The following CELF4 variants were observed in gnomAD, a reference collection of about 807,000 sequenced individuals.
The protein encoded by CELF4 is CUG-BP- and ETR-3-like factor 4.
CELF4 carries 18 observed loss-of-function variants against 59.9 expected under a neutral mutation model. That is an observed-to-expected ratio of 0.30 (90% CI 0.21 to 0.45). CELF4 has a LOEUF of 0.45. CELF4 is among the 20% of genes least tolerant of loss of function. The pLI, the probability that CELF4 is intolerant of heterozygous loss-of-function variation, is 1.00. For missense variants in CELF4, 456 were observed against 689.0 expected (o/e 0.66, Z 3.79); for synonymous variants, 261 against 267.1 (o/e 0.98, Z 0.22).
At chr18:37,543,269 G>A (rs1363085447) in intron 1 of CELF4, among the ~76,000 whole-genome samples, 4 of 152,124 alleles carry the variant, frequency 2.6e-5, no homozygotes, top group Non-Finnish European at 5.9e-5. Flanking sequence ...GGTGCCCAGT[G>A]ACTTACTCAA....
chr18:37,423,594 C>T lies in CELF4; in HGVS notation c.369+61931G>A, dbSNP rs543610505. On this transcript the variant is annotated intron_variant, in intron 2 of 12. Coordinates refer to ENST00000420428, the MANE Select transcript of CELF4 (RefSeq NM_020180.4). ...TTCTTCTTCCAGGCCCCAGGGCAAC[C>T]CAGCAATGGCAGGTGGGCGAAGCTA... Among the ~76,000 whole-genome samples the T allele has an allele frequency of 8.5e-5, 13 of 152,210 alleles. No homozygotes were observed. In the South Asian group the frequency reaches 2.1e-3, roughly 24 times the overall value.
chr18:37,273,121 C>T lies in CELF4; in HGVS notation c.844G>A (p.Gly282Ser). ...GCAGCCATGGGGTTCAGGTAGCCGC[C>T]CTGCGCGACTGATGCCATCAGGGCC... is the stretch of plus-strand genomic sequence containing the variant. ...QAALMASVAQ[G>S]GYLNPMAAFA... is the part of the protein sequence containing the mutation. Residue 282 changes from glycine to serine, a missense_variant, in exon 7 of 13, where the codon GGC becomes AGC. Gly to Ser is a moderately conservative substitution (Grantham distance 56). Transcript: ENST00000420428. 1 of 1,613,494 alleles carries T rather than the reference C, an allele frequency of 6.2e-7. No homozygotes were observed. Among genetic ancestry groups the T allele is most frequent in the Non-Finnish European group, 8.5e-7 (1 of 1,179,766 alleles).
intron 1 of CELF4, among the ~76,000 whole-genome samples, chr18:37,488,222 C>T (rs1186761291): frequency 6.6e-6 from 1 of 152,140 alleles, no homozygotes; most frequent in Non-Finnish European, 1.5e-5. Context: ...CCTGCACCCA[C>T]ACAGACCCTG....
intron 3 of CELF4, among the ~76,000 whole-genome samples, chr18:37,284,230 CAT>C (rs941601683): frequency 6.6e-6 from 1 of 151,246 alleles, no homozygotes; most frequent in Non-Finnish European, 1.5e-5. Flanking sequence ...CACAGATGCA[CAT>C]ACACATACAC....
At chr18:37,312,636 G>T (rs2096717416) in intron 3 of CELF4, among the ~76,000 whole-genome samples, 1 of 152,322 alleles carries the variant, frequency 6.6e-6, no homozygotes, top group South Asian at 2.1e-4. Context: ...AAGGCATGGA[G>T]AGGAGACTGA....
rs1001731770 is a variant in CELF4, at chr18:37,304,154, C to A, written c.448+17649G>T. Among the ~76,000 whole-genome samples the A allele has an allele frequency of 2.6e-5, 4 of 152,362 alleles. No homozygotes were observed. In the East Asian group the frequency reaches 7.7e-4, roughly 29 times the overall value. Reference sequence around the variant, plus strand: ...TTTTCTACCCTATATCCCCAACTTACAAACCCACGCAACCTGGGCTCACAT... The same window carrying A: ...TTTTCTACCCTATATCCCCAACTTAAAAACCCACGCAACCTGGGCTCACAT... On this transcript the variant is annotated intron_variant, in intron 3 of 12. Transcript: ENST00000420428.
chr18:37,367,678 G>GT lies in CELF4; in HGVS notation c.370-45798dup, dbSNP rs1227991660. ...ATGCAAATCAGGTCGGGGAGACTGT[G>GT]TTTTTTTCTTTTCTTTCTTTTTTTT... On this transcript the variant is annotated intron_variant, in intron 2 of 12. Transcript: ENST00000420428. 2.6e-5 allele frequency among the ~76,000 whole-genome samples: 4 copies of GT among 151,256 alleles called. No individual in the cohort carries two copies. The East Asian group carries it at 7.7e-4, about 29-fold the overall frequency.
intron 2 of CELF4, among the ~76,000 whole-genome samples, chr18:37,481,652 C>A (rs1477272630): frequency 1.3e-5 from 2 of 152,206 alleles, no homozygotes. Flanking sequence ...TGGCTCCTGG[C>A]CTGTTGTGTG....
chr18:37,421,056 C>A (rs1193466325), intron 2 of CELF4, among the ~76,000 whole-genome samples: 2 of 152,168 alleles, frequency 1.3e-5, no homozygotes, highest in Non-Finnish European at 2.9e-5. Flanking sequence ...AGTGTAGGAG[C>A]TGCTGAGTCT....
chr18:37,389,430 A>T (rs1419491785), intron 2 of CELF4, among the ~76,000 whole-genome samples: 1 of 152,184 alleles, frequency 6.6e-6, no homozygotes, highest in Non-Finnish European at 1.5e-5. Flanking sequence ...GCCTTGCACC[A>T]CCATTACACT....
chr18:37,522,287 T>C (rs2099958370), intron 1 of CELF4, among the ~76,000 whole-genome samples: 1 of 152,234 alleles, frequency 6.6e-6, no homozygotes, highest in South Asian at 2.1e-4. Context: ...AGAGTTAGCA[T>C]AGTGACCATG....
At chr18:37,295,841 G>T (rs1229440865) in intron 3 of CELF4, among the ~76,000 whole-genome samples, 2 of 152,228 alleles carry the variant, frequency 1.3e-5, no homozygotes, top group Admixed American at 6.5e-5. Flanking sequence ...AAGAGGAACT[G>T]CACTGGGGGT....
At chr18:37,455,036 T>C (rs2099774410) in intron 2 of CELF4, among the ~76,000 whole-genome samples, 1 of 152,220 alleles carries the variant, frequency 6.6e-6, no homozygotes, top group African/African-American at 2.4e-5. Context: ...AGTCTGTGCA[T>C]TGCTAAGTGG....
rs1037249008 is a variant in CELF4, at chr18:37,478,219, G to A, written c.369+7306C>T. Among the ~76,000 whole-genome samples, 91 of 152,128 alleles carry A rather than the reference G, an allele frequency of 6.0e-4. 6 individuals carry two copies. The highest frequency in any genetic ancestry group is 6.5e-5 in the Admixed American group (1 of 15,274). On this transcript the variant is annotated intron_variant, in intron 2 of 12. Coordinates refer to ENST00000420428, the MANE Select transcript of CELF4 (RefSeq NM_020180.4). Reference sequence around the variant, plus strand: ...GTCTTGAGAGGCGATCTGGCCCACCGCCTCCTTCACAGTCTAGATGGTGTG... The same window carrying A: ...GTCTTGAGAGGCGATCTGGCCCACCACCTCCTTCACAGTCTAGATGGTGTG...
chr18:37,553,537 TA>T (rs2099983878), intron 1 of CELF4, among the ~76,000 whole-genome samples: 1 of 152,214 alleles, frequency 6.6e-6, no homozygotes, highest in South Asian at 2.1e-4. Context: ...CATATGGAAT[TA>T]AGAATAAAAA....
chr18:37,406,445 C>T (rs578085948), intron 2 of CELF4, among the ~76,000 whole-genome samples: 4 of 152,304 alleles, frequency 2.6e-5, no homozygotes, highest in African/African-American at 9.6e-5. Flanking sequence ...TTTAGGCTGA[C>T]GGTCCTGCGC....
intron 2 of CELF4, among the ~76,000 whole-genome samples, chr18:37,346,468 G>A (rs1283295348): frequency 6.6e-6 from 1 of 152,170 alleles, no homozygotes; most frequent in Non-Finnish European, 1.5e-5. Flanking sequence ...GTCATTCTGC[G>A]ACTGGGGTTC....
chr18:37,542,869 C>A (rs2099978793), intron 1 of CELF4, among the ~76,000 whole-genome samples: 1 of 152,164 alleles, frequency 6.6e-6, no homozygotes, highest in Non-Finnish European at 1.5e-5. Context: ...TGCCTTGCCC[C>A]TGACCATTGC....
At chr18:37,398,732 C>T (rs755180873) in intron 2 of CELF4, among the ~76,000 whole-genome samples, 6 of 152,122 alleles carry the variant, frequency 3.9e-5, no homozygotes, top group Non-Finnish European at 7.4e-5. Flanking sequence ...GTGGGGGTTC[C>T]GGAGAGTGGT....
Sources: gnomAD v4.1 joint callset for allele counts (sites outside exome capture counted in the v4.1 genomes callset) on GRCh38, gnomAD v4.1.1 for gene constraint, MANE v1.5 for transcripts, NCBI Gene and HGNC (gene_info 2026-07-23, HGNC 2026-07-21) for gene names.